FAM107A: variants seen among roughly 807,000 people sequenced by gnomAD.
FAM107A encodes family with sequence similarity 107 member A.
A neutral mutation model predicts 13.7 loss-of-function variants in FAM107A; 19 were observed. The observed-to-expected ratio is 1.38, with a 90% confidence interval of 0.97 to 2.03. The LOEUF is 2.03. FAM107A is among the 30% of genes most tolerant of loss of function. The pLI is 0.00. For synonymous variants in FAM107A, 82 were observed against 74.5 expected (o/e 1.10, Z -0.52); for missense variants, 203 against 184.4 (o/e 1.10, Z -0.58).
intron 1 of FAM107A, among the ~76,000 whole-genome samples, chr3:58,620,417 C>G (rs941586928): frequency 1.3e-5 from 2 of 152,232 alleles, no homozygotes; most frequent in African/African-American, 4.8e-5. Context: ...CTGTTCTTGT[C>G]CACTTATCTA....
intron 1 of FAM107A, among the ~76,000 whole-genome samples, chr3:58,603,214 C>T (rs1037409060): frequency 3.3e-5 from 5 of 152,158 alleles, no homozygotes; most frequent in Admixed American, 1.3e-4. Context: ...CTGTCCCCTG[C>T]GCTTGTGCAC....
At chr3:58,575,812 T>C (rs1400165909) in intron 1 of FAM107A, among the ~76,000 whole-genome samples, 2 of 152,184 alleles carry the variant, frequency 1.3e-5, no homozygotes, top group African/African-American at 4.8e-5. Flanking sequence ...GGGCTTAAGC[T>C]AGAGTCCACG....
At chr3:58,618,388 A>ATTTCT (rs1260309580) in intron 1 of FAM107A, among the ~76,000 whole-genome samples, 1 of 152,304 alleles carries the variant, frequency 6.6e-6, no homozygotes, top group East Asian at 1.9e-4. Context: ...CCTCCGAAGA[A>ATTTCT]TGACTGTTGC....
exon 1 of FAM107A, chr3:58,587,073 C>T (rs926518847): frequency 1.5e-4 from 198 of 1,357,200 alleles, no homozygotes; most frequent in Admixed American, 7.5e-5. Flanking sequence ...CAAGTTACGG[C>T]GGCGGCCGGA....
intron 1 of FAM107A, among the ~76,000 whole-genome samples, chr3:58,605,491 TG>T (rs1439403424): frequency 2.0e-5 from 3 of 152,238 alleles, no homozygotes; most frequent in Non-Finnish European, 4.4e-5. Flanking sequence ...ATGTTCTGTT[TG>T]GGCTCCATCG....
At chr3:58,583,965 A>G (rs1436987936) in intron 1 of FAM107A, among the ~76,000 whole-genome samples, 1 of 152,208 alleles carries the variant, frequency 6.6e-6, no homozygotes, top group East Asian at 1.9e-4. Context: ...ACTTGAGGCT[A>G]CTGTTAATGA....
intron 2 of FAM107A, 49 bp from the exon 3 acceptor site, chr3:58,567,413 C>G: frequency 1.3e-6 from 2 of 1,563,112 alleles, no homozygotes; most frequent in Non-Finnish European, 8.7e-7. Context: ...CTTCCCGCTT[C>G]CCCCAGCCTC....
intron 1 of FAM107A, among the ~76,000 whole-genome samples, chr3:58,583,693 TG>T (rs367669602): frequency 5.3e-5 from 8 of 151,272 alleles, no homozygotes; most frequent in African/African-American, 9.8e-5. Context: ...TCTTTTTTTT[TG>T]GGGGGGGACA....
chr3:58,587,748 G>T (rs1294749155), upstream of FAM107A, among the ~76,000 whole-genome samples: 1 of 152,056 alleles, frequency 6.6e-6, no homozygotes, highest in African/African-American at 2.4e-5. Context: ...GGTGGGAGGT[G>T]CCAGGCTCAC....
chr3:58,627,274 A>G (rs1418694398), intron 1 of FAM107A: 1 of 463,884 alleles, frequency 2.2e-6, no homozygotes, highest in African/African-American at 2.0e-5. Flanking sequence ...CACCTCCCAG[A>G]ACCCTGCCTC....
At chr3:58,579,930 C>G (rs2065512325), upstream of FAM107A, among the ~76,000 whole-genome samples, 1 of 152,252 alleles carries the variant, frequency 6.6e-6, no homozygotes, top group Non-Finnish European at 1.5e-5. Context: ...CAGGTACCTA[C>G]CTATCTTCCT....
At chr3:58,624,525 AC>A (rs2065992662) in intron 1 of FAM107A, among the ~76,000 whole-genome samples, 1 of 151,994 alleles carries the variant, frequency 6.6e-6, no homozygotes, top group African/African-American at 2.4e-5. Context: ...GGGGGCCATT[AC>A]AATGAAATGT....
Position 58,569,620 on chromosome 3 carries a change from C to T in FAM107A, c.170+71G>A. 1.5e-6 allele frequency: 2 copies of T among 1,341,168 alleles called. No individual in the cohort carries two copies. Among genetic ancestry groups the T allele is most frequent in the Non-Finnish European group, 1.0e-6 (1 of 976,178 alleles). The allele number at this position is 1,341,168 out of a possible 1,614,324, so 83.1% of individuals were successfully genotyped here. ...GATGAAAGCCAGCTCTGCTTTCCTC[C>T]AGGGTCACCTTCCCCATCCCCCACA... On this transcript the variant is annotated intron_variant, in intron 2 of 3. Transcript: ENST00000360997. This position sits in a 1 kb window ranked among gnomAD's most constrained non-coding sequence, Gnocchi z 5.7.
At chr3:58,619,103 G>C (rs149616161) in intron 1 of FAM107A, among the ~76,000 whole-genome samples, 2 of 152,162 alleles carry the variant, frequency 1.3e-5, no homozygotes, top group African/African-American at 4.8e-5. Context: ...TGGGCTCAAG[G>C]AATCCTCCTG....
chr3:58,583,776 G>T (rs2065574007), intron 1 of FAM107A, among the ~76,000 whole-genome samples: 1 of 151,920 alleles, frequency 6.6e-6, no homozygotes, highest in Admixed American at 6.6e-5. Flanking sequence ...AACTCTCTGG[G>T]CTCAAGTGAT....
upstream of FAM107A, among the ~76,000 whole-genome samples, chr3:58,588,437 C>T (rs1318951392): frequency 6.6e-6 from 1 of 152,216 alleles, no homozygotes; most frequent in African/African-American, 2.4e-5. Context: ...CCTCTCTGCT[C>T]CCCAGACACC....
rs149294136 is a variant in FAM107A at position 58,575,925 on chromosome 3, C to T, written c.-6+1384G>A. Among the ~76,000 whole-genome samples the T allele has an allele frequency of 7.2e-5, 11 of 152,302 alleles. No individual in the cohort carries two copies. The East Asian group carries it at 9.7e-4, about 13-fold the overall frequency. ...CATTACTGTTCAAGCTGCTGGGTTC[C>T]GAACACATTCAGAACCCTCTTGGTT... On this transcript the variant is annotated intron_variant, in intron 1 of 3. Coordinates refer to ENST00000360997, the MANE Select transcript of FAM107A (RefSeq NM_001076778.3).
At chr3:58,627,217 G>C in intron 1 of FAM107A, 1 of 563,494 alleles carries the variant, frequency 1.8e-6, no homozygotes. Flanking sequence ...AGAGGGGCCA[G>C]TGTCCCCAGG....
upstream of FAM107A, among the ~76,000 whole-genome samples, chr3:58,582,350 C>A (rs545463755): frequency 2.0e-5 from 3 of 152,306 alleles, no homozygotes; most frequent in Non-Finnish European, 2.9e-5. Context: ...CCTCTGGCTG[C>A]GGAGAAGAAG....
Sources: gnomAD v4.1 joint callset for allele counts (sites outside exome capture counted in the v4.1 genomes callset) on GRCh38, gnomAD v4.1.1 for gene constraint, Gnocchi (gnomAD v3.1) non-coding constraint, MANE v1.5 for transcripts, NCBI Gene and HGNC (gene_info 2026-07-23, HGNC 2026-07-21) for gene names.